The following SNX29 variants were observed in gnomAD, a reference collection of about 807,000 sequenced individuals.
The protein encoded by SNX29 is sorting nexin-29.
In SNX29, 78 loss-of-function variants were observed where a neutral mutation model predicts 102.1. The observed-to-expected ratio is 0.76, with a 90% CI of 0.64 to 0.92. The LOEUF (loss-of-function observed/expected upper bound fraction) is 0.92, where lower values mean the gene tolerates loss of function less well. Among genes scored for constraint, SNX29 ranks in the 40% least tolerant of loss-of-function variants. The pLI, the probability that SNX29 is intolerant of heterozygous loss-of-function variation, is 0.00. For synonymous variants in SNX29, 580 were observed against 414.5 expected (o/e 1.40, Z -4.85); for missense variants, 1,280 against 1,061.7 (o/e 1.21, Z -2.86).
chr16:12,421,202 C>T (rs1483603033), intron 18 of SNX29, among the ~76,000 whole-genome samples: 1 of 152,180 alleles, frequency 6.6e-6, no homozygotes, highest in Admixed American at 6.5e-5. Flanking sequence ...GACTGAGAAG[C>T]CAAGCCAGCA....
At chr16:12,384,506 G>A (rs1446685090) in intron 16 of SNX29, among the ~76,000 whole-genome samples, 1 of 152,150 alleles carries the variant, frequency 6.6e-6, no homozygotes, top group Non-Finnish European at 1.5e-5. Flanking sequence ...TTAGCCATTT[G>A]TATGTCTACT....
chr16:12,564,246 C>T (rs975518592), intron 20 of SNX29, among the ~76,000 whole-genome samples: 4 of 152,148 alleles, frequency 2.6e-5, no homozygotes, highest in African/African-American at 4.8e-5. Flanking sequence ...AATCTCTACT[C>T]AGTTCCTTTG....
intron 15 of SNX29, among the ~76,000 whole-genome samples, chr16:12,339,768 T>C (rs1321220341): frequency 6.6e-6 from 1 of 152,248 alleles, no homozygotes; most frequent in Non-Finnish European, 1.5e-5. Flanking sequence ...CCAGTAGCTC[T>C]AACAAGATTC....
chr16:12,540,641 C>G (rs192116083), intron 20 of SNX29, among the ~76,000 whole-genome samples: 1 of 152,198 alleles, frequency 6.6e-6, no homozygotes, highest in South Asian at 2.1e-4. Context: ...GATCATCTCC[C>G]CATCTCAAAA....
At chr16:12,521,688 A>C (rs946225830) in intron 19 of SNX29, among the ~76,000 whole-genome samples, 1 of 152,192 alleles carries the variant, frequency 6.6e-6, no homozygotes, top group African/African-American at 2.4e-5. Context: ...ACTAGGCTTC[A>C]TGAGCTCCGT....
At position 12,524,771 on chromosome 16, in the gene SNX29, A is replaced by G. The variant is rs573584336; in HGVS notation, c.2248A>G (p.Ile750Val). The change falls in exon 20 of 21, where the codon ATC becomes GTC. Residue 750 changes from isoleucine (I) to valine (V), a missense_variant. By Grantham distance (29) the Ile-to-Val change is conservative. Coordinates refer to ENST00000566228, the MANE Select transcript of SNX29 (RefSeq NM_032167.5). ...CCTGCGCAGCGTCATGAACAAAGTC[A>G]TCCAGATGGTCCCCGAGTTCGCTGC... ...NYLRSVMNKV[I>V]QMVPEFAASP... is the part of the protein sequence containing the mutation. 6.2e-7 allele frequency: 1 copy of G among 1,613,880 alleles called. No homozygotes were observed. The highest frequency in any genetic ancestry group is 8.5e-7 in the Non-Finnish European group (1 of 1,179,860).
chr16:12,530,099 C>T (rs561653610), intron 20 of SNX29, among the ~76,000 whole-genome samples: 2 of 152,240 alleles, frequency 1.3e-5, no homozygotes, highest in Non-Finnish European at 2.9e-5. Flanking sequence ...TTCCCCTTGG[C>T]CTGCTCTGCT....
rs555897075 is a variant in SNX29 at position 12,496,312 on chromosome 16, A to G, written c.2178+18453A>G. ...TTGTGTTTCCGTGGTGGTGGTGATG[A>G]TAAGTACGATAAACCCATGCCTGCA... is the stretch of plus-strand genomic sequence containing the variant. On this transcript the variant is annotated intron_variant, in intron 19 of 20. Coordinates refer to ENST00000566228, the MANE Select transcript of SNX29 (RefSeq NM_032167.5). 4.6e-5 allele frequency among the ~76,000 whole-genome samples: 7 copies of G among 152,192 alleles called. No individual in the cohort carries two copies. In the East Asian group the frequency reaches 9.7e-4, roughly 21 times the overall value.
intron 4 of SNX29, among the ~76,000 whole-genome samples, chr16:12,030,360 A>G (rs1413229534): frequency 6.6e-6 from 1 of 152,140 alleles, no homozygotes; most frequent in African/African-American, 2.4e-5. Context: ...TCAGTCTCCA[A>G]AACTGAATTC....
chr16:12,497,771 T>G (rs2088903911), intron 19 of SNX29, among the ~76,000 whole-genome samples: 1 of 152,242 alleles, frequency 6.6e-6, no homozygotes, highest in Non-Finnish European at 1.5e-5. Context: ...TTGTATCCAC[T>G]AGGCGCCTCA....
intron 1 of SNX29, among the ~76,000 whole-genome samples, chr16:11,997,670 G>A (rs186041771): frequency 6.6e-6 from 1 of 151,942 alleles, no homozygotes; most frequent in East Asian, 1.9e-4. Context: ...GTAGATACAG[G>A]GCTTCATCAT....
At chr16:12,530,165 C>T (rs1023577467) in intron 20 of SNX29, among the ~76,000 whole-genome samples, 1 of 152,206 alleles carries the variant, frequency 6.6e-6, no homozygotes, top group Non-Finnish European at 1.5e-5. Flanking sequence ...CCCCTGGTAG[C>T]CACATAGAAA....
chr16:12,452,104 A>G (rs576215556), intron 18 of SNX29, among the ~76,000 whole-genome samples: 1 of 152,132 alleles, frequency 6.6e-6, no homozygotes, highest in Non-Finnish European at 1.5e-5. Flanking sequence ...ACCCACCCTG[A>G]GGGATTATCA....
chr16:12,415,386 A>C (rs1370026423), intron 18 of SNX29, among the ~76,000 whole-genome samples: 1 of 152,210 alleles, frequency 6.6e-6, no homozygotes, highest in Non-Finnish European at 1.5e-5. Flanking sequence ...GGCACCATTG[A>C]GTTTCATACT....
intron 16 of SNX29, among the ~76,000 whole-genome samples, chr16:12,389,000 A>C (rs1394499978): frequency 6.6e-6 from 1 of 152,164 alleles, no homozygotes. Flanking sequence ...CTGCCGCTTA[A>C]ACATCCTTGA....
At chr16:12,564,617 G>C (rs980073322) in intron 20 of SNX29, among the ~76,000 whole-genome samples, 1 of 151,530 alleles carries the variant, frequency 6.6e-6, no homozygotes, top group Non-Finnish European at 1.5e-5. Context: ...AACAGACCTA[G>C]TCCCAGCATT....
intron 13 of SNX29, among the ~76,000 whole-genome samples, chr16:12,164,680 CTTTTTTTT>C (rs34046413): frequency 2.2e-5 from 2 of 90,592 alleles, no homozygotes; most frequent in African/African-American, 5.1e-5. Context: ...TTATTCATGC[CTTTTTTTT>C]TTTTTTTTTT....
intron 14 of SNX29, among the ~76,000 whole-genome samples, chr16:12,216,734 C>A (rs1306137829): frequency 7.0e-6 from 1 of 142,194 alleles, no homozygotes; most frequent in Non-Finnish European, 1.5e-5. Context: ...ACCCCTACAT[C>A]TCGTTTTGGA....
chr16:12,540,768 C>T (rs1210125683), intron 20 of SNX29, among the ~76,000 whole-genome samples: 1 of 152,198 alleles, frequency 6.6e-6, no homozygotes, highest in East Asian at 1.9e-4. Context: ...CGCCACCTCC[C>T]CTAGAGTGTC....
Sources: allele counts gnomAD v4.1 joint callset (sites outside exome capture counted in the v4.1 genomes callset), GRCh38; gene constraint gnomAD v4.1.1; transcripts MANE v1.5; gene names NCBI Gene and HGNC (gene_info 2026-07-23, HGNC 2026-07-21).